NR3C1: variants seen among roughly 807,000 people sequenced by gnomAD.
NR3C1 encodes glucocorticoid receptor.
NR3C1 carries 14 observed loss-of-function variants against 74.0 expected under a neutral mutation model. That is an observed-to-expected ratio of 0.19 (90% CI 0.12 to 0.30). NR3C1 has a LOEUF of 0.30. NR3C1 is among the 10% of genes least tolerant of loss of function. The probability of loss-of-function intolerance (pLI) is 1.00; values close to 1 mark genes in which losing one functional copy is unlikely to be tolerated. For synonymous variants in NR3C1, 308 were observed against 332.5 expected, an observed-to-expected ratio of 0.93 and a Z score of 0.80; for missense variants, 695 against 909.8, an observed-to-expected ratio of 0.76 and a Z score of 3.04.
intron 2 of NR3C1, among the ~76,000 whole-genome samples, chr5:143,377,016 G>A (rs904142459): frequency 6.6e-6 from 1 of 152,060 alleles, no homozygotes; most frequent in Non-Finnish European, 1.5e-5. Flanking sequence ...CGGTTACACT[G>A]GGAAGGCTCT....
rs755402353 is a variant in NR3C1, at chr5:143,294,674, A to AT, written c.2023+785dup. ...TCCTTCTAAACCCTGGCAACCGCTG[A>AT]TTTTTTTTTGCTGTCTTCACAGTTT... On this transcript the variant is annotated intron_variant, in intron 7 of 8. Coordinates refer to ENST00000394464, the MANE Select transcript of NR3C1 (RefSeq NM_000176.3). 6.3e-4 allele frequency among the ~76,000 whole-genome samples: 96 copies of AT among 151,500 alleles called. No homozygotes were observed. The East Asian group carries it at 0.013, about 20-fold the overall frequency.
At chr5:143,410,534 A>G (rs1049142640) in intron 1 of NR3C1, among the ~76,000 whole-genome samples, 3 of 152,174 alleles carry the variant, frequency 2.0e-5, no homozygotes, top group Middle Eastern at 3.2e-3. Flanking sequence ...TTTTCAATAC[A>G]AGACCTGGTT....
At chr5:143,345,938 T>C (rs751774569) in intron 2 of NR3C1, among the ~76,000 whole-genome samples, 12 of 152,184 alleles carry the variant, frequency 7.9e-5, no homozygotes, top group Non-Finnish European at 1.8e-4. Context: ...AGAGGTTGTT[T>C]TGCTTAAGGT....
rs931714877 is a variant in NR3C1 at position 143,330,559 on chromosome 5, A to G, written c.1185-16391T>C. On this transcript the variant is annotated intron_variant, in intron 2 of 8. Transcript: ENST00000394464. ...TCCCTCTTGAAAAGAATCAAAAGGA[A>G]TAAGAATGTGAATGTCAGCCATAAG... is the stretch of plus-strand genomic sequence containing the variant. Among the ~76,000 whole-genome samples the G allele has an allele frequency of 7.2e-5, 11 of 152,326 alleles. No homozygotes were observed. In the South Asian group the frequency reaches 1.9e-3, roughly 26 times the overall value.
chr5:143,361,854 TACAGG>T (rs909822012), intron 2 of NR3C1, among the ~76,000 whole-genome samples: 19 of 152,200 alleles, frequency 1.2e-4, no homozygotes, highest in African/African-American at 4.3e-4. Flanking sequence ...CTAGACAATG[TACAGG>T]AATCATTAGA....
At chr5:143,317,907 G>A (rs140670197) in intron 2 of NR3C1, among the ~76,000 whole-genome samples, 28 of 152,206 alleles carry the variant, frequency 1.8e-4, no homozygotes, top group Non-Finnish European at 2.2e-4. Context: ...TTTTGTAGCC[G>A]CCTCTTGTGT....
intron 2 of NR3C1, among the ~76,000 whole-genome samples, chr5:143,342,792 A>C (rs1277887580): frequency 6.6e-6 from 1 of 152,210 alleles, no homozygotes; most frequent in African/African-American, 2.4e-5. Flanking sequence ...GAGACATACA[A>C]GGAAAAGGCC....
chr5:143,311,647 CATT>C (rs1267168385), intron 3 of NR3C1, among the ~76,000 whole-genome samples: 1 of 152,038 alleles, frequency 6.6e-6, no homozygotes, highest in Admixed American at 6.6e-5. Flanking sequence ...TTCCTTGACT[CATT>C]TATTTATTTA....
At chr5:143,359,028 A>C (rs1414960797) in intron 2 of NR3C1, among the ~76,000 whole-genome samples, 1 of 152,240 alleles carries the variant, frequency 6.6e-6, no homozygotes, top group African/African-American at 2.4e-5. Flanking sequence ...GGAAGCAATC[A>C]GTAAGATCAA....
At chr5:143,419,937 C>T (rs971092456) in intron 1 of NR3C1, among the ~76,000 whole-genome samples, 1 of 152,082 alleles carries the variant, frequency 6.6e-6, no homozygotes, top group Non-Finnish European at 1.5e-5. Context: ...CAGCCACACC[C>T]AAGGGGGCCA....
At chr5:143,332,782 G>C in intron 2 of NR3C1, 1 of 1,576,334 alleles carries the variant, frequency 6.3e-7, no homozygotes, top group Admixed American at 1.7e-5. Flanking sequence ...CGCATCGAAA[G>C]GATTGATGGC....
intron 7 of NR3C1, among the ~76,000 whole-genome samples, chr5:143,288,729 T>C (rs1052532563): frequency 6.6e-6 from 1 of 152,092 alleles, no homozygotes; most frequent in Non-Finnish European, 1.5e-5. Flanking sequence ...TGCCTTGGCC[T>C]CTCAAAGTGG....
intron 2 of NR3C1, among the ~76,000 whole-genome samples, chr5:143,398,348 G>A (rs560967141): frequency 2.2e-4 from 24 of 109,986 alleles, no homozygotes; most frequent in African/African-American, 7.3e-4. Flanking sequence ...AAGAACCAAG[G>A]TTTTTTGGTT....
chr5:143,349,272 G>C (rs926957939), intron 2 of NR3C1, among the ~76,000 whole-genome samples: 4 of 152,166 alleles, frequency 2.6e-5, no homozygotes, highest in African/African-American at 9.7e-5. Context: ...GCTTCTACCT[G>C]AGAGATTCAA....
intron 2 of NR3C1, among the ~76,000 whole-genome samples, chr5:143,344,824 G>C (rs1828932673): frequency 6.6e-6 from 1 of 152,034 alleles, no homozygotes; most frequent in Non-Finnish European, 1.5e-5. Flanking sequence ...AGTGAGCTGA[G>C]ATCACACCAC....
chr5:143,375,423 CT>C (rs1239931677), intron 2 of NR3C1, among the ~76,000 whole-genome samples: 1 of 152,084 alleles, frequency 6.6e-6, no homozygotes, highest in Non-Finnish European at 1.5e-5. Flanking sequence ...AGTCAAAATT[CT>C]TTTAATAGGG....
chr5:143,393,472 A>G (rs924748853), intron 2 of NR3C1, among the ~76,000 whole-genome samples: 2 of 152,150 alleles, frequency 1.3e-5, no homozygotes, highest in Non-Finnish European at 2.9e-5. Context: ...AGGTCTTTGG[A>G]CTTTTAGTTG....
chr5:143,286,634 G>T (rs775865152), intron 7 of NR3C1, among the ~76,000 whole-genome samples: 1 of 151,926 alleles, frequency 6.6e-6, no homozygotes, highest in Non-Finnish European at 1.5e-5. Context: ...ATACTCTCTA[G>T]GATAGCGATA....
chr5:143,288,099 T>C (rs1479261464), intron 7 of NR3C1, among the ~76,000 whole-genome samples: 1 of 152,126 alleles, frequency 6.6e-6, no homozygotes, highest in Admixed American at 6.6e-5. Context: ...GGAATTCCTA[T>C]TCTTTCTCAA....
Sources: gnomAD v4.1 joint callset for allele counts (sites outside exome capture counted in the v4.1 genomes callset) on GRCh38, gnomAD v4.1.1 for gene constraint, MANE v1.5 for transcripts, NCBI Gene and HGNC (gene_info 2026-07-23, HGNC 2026-07-21) for gene names.